AVEN: variants seen among roughly 807,000 people sequenced by gnomAD.
AVEN encodes cell death regulator Aven.
AVEN carries 41 observed loss-of-function variants against 38.1 expected under a neutral mutation model. That is an observed-to-expected ratio of 1.08 (90% CI 0.84 to 1.40). The LOEUF (loss-of-function observed/expected upper bound fraction) is 1.40. Among genes scored for constraint, AVEN ranks in the 40% most tolerant of loss-of-function variants. The pLI is 0.00. For synonymous variants in AVEN, 206 were observed against 171.8 expected (o/e 1.20, Z -1.56); for missense variants, 605 against 438.8 (o/e 1.38, Z -3.38).
At chr15:33,864,295 C>T (rs367833146), downstream of AVEN, 1 of 830,550 alleles carries the variant, frequency 1.2e-6, no homozygotes, top group Non-Finnish European at 1.9e-6. Context: ...CCATTAATCC[C>T]GTGAATGCAT....
intron 1 of AVEN, among the ~76,000 whole-genome samples, chr15:34,017,217 T>A (rs1198873088): frequency 1.3e-5 from 2 of 152,074 alleles, no homozygotes; most frequent in Non-Finnish European, 2.9e-5. Context: ...TCTGTTCACC[T>A]ATTAACAATT....
chr15:34,038,771 G>A lies in AVEN; in HGVS notation c.267+9C>T. The stretch of plus-strand genomic sequence containing the variant: ...CGCGGTCCCAGCCCCACCAGCCGTC[G>A]CCTCTTACCGGCGCGCTGGCCCCTG... On this transcript the variant is annotated intron_variant, in intron 1 of 5. Transcript: ENST00000306730. 1 of 1,168,364 alleles carries A rather than the reference G, an allele frequency of 8.6e-7. No individual in the cohort carries two copies. Among genetic ancestry groups the A allele is most frequent in the Admixed American group, 4.7e-5 (1 of 21,488 alleles). The allele number at this position is 1,168,364 out of a possible 1,614,324, so 72.4% of individuals were successfully genotyped here.
At chr15:34,071,702 A>C (rs1277863965) in intron 1 of AVEN, among the ~76,000 whole-genome samples, 2 of 152,208 alleles carry the variant, frequency 1.3e-5, no homozygotes, top group African/African-American at 4.8e-5. Flanking sequence ...CTAGTATACC[A>C]TATAGTGCAC....
At chr15:33,976,167 G>C (rs1188600786) in intron 2 of AVEN, among the ~76,000 whole-genome samples, 2 of 151,960 alleles carry the variant, frequency 1.3e-5, no homozygotes, top group Non-Finnish European at 2.9e-5. Flanking sequence ...TTTTAAAAGA[G>C]GAAATATGAT....
Position 33,984,603 on chromosome 15 carries a change from T to A in AVEN, c.445+18429A>T, listed in dbSNP as rs1896340991. Reference sequence around the variant, plus strand: ...TTTCAGTAGAGACAGGGTTTCTCCATGTTGGTCAAGCTGGTCTCAAACTCC... The same window carrying A: ...TTTCAGTAGAGACAGGGTTTCTCCAAGTTGGTCAAGCTGGTCTCAAACTCC... On this transcript the variant is annotated intron_variant, in intron 2 of 5. Transcript: ENST00000306730. Among the ~76,000 whole-genome samples the A allele has an allele frequency of 2.0e-5, 3 of 152,276 alleles. 1 individual carries two copies. In the South Asian group the frequency reaches 6.3e-4, roughly 32 times the overall value.
At chr15:33,889,567 C>T (rs1891846775) in intron 2 of AVEN, among the ~76,000 whole-genome samples, 1 of 143,454 alleles carries the variant, frequency 7.0e-6, no homozygotes, top group African/African-American at 2.6e-5. Flanking sequence ...TCCTATTCAA[C>T]CCAATGGACA....
At chr15:33,870,320 C>T (rs1412819270) in intron 4 of AVEN, among the ~76,000 whole-genome samples, 1 of 152,290 alleles carries the variant, frequency 6.6e-6, no homozygotes, top group South Asian at 2.1e-4. Flanking sequence ...CACATGCACT[C>T]CAATCCCACA....
chr15:34,072,102 C>T (rs1006496378), intron 1 of AVEN, among the ~76,000 whole-genome samples: 9 of 150,534 alleles, frequency 6.0e-5, no homozygotes, highest in African/African-American at 2.2e-4. Flanking sequence ...CTTATCTCTA[C>T]CAAAAAAAAG....
intron 4 of AVEN, among the ~76,000 whole-genome samples, chr15:33,870,026 CAT>C (rs1043609615): frequency 1.1e-4 from 16 of 152,250 alleles, no homozygotes; most frequent in African/African-American, 2.9e-4. Flanking sequence ...GGCACAAACT[CAT>C]AAAGTCCAAA....
intron 2 of AVEN, among the ~76,000 whole-genome samples, chr15:33,953,608 C>A (rs1894833816): frequency 6.6e-6 from 1 of 152,190 alleles, no homozygotes; most frequent in Admixed American, 6.5e-5. Flanking sequence ...GAAACTGGAT[C>A]CCTTCCTTAT....
At chr15:33,870,551 A>G (rs1370621597) in intron 4 of AVEN, among the ~76,000 whole-genome samples, 2 of 152,172 alleles carry the variant, frequency 1.3e-5, no homozygotes. Flanking sequence ...TTGTGTGACT[A>G]TTTGATTAAT....
At chr15:33,976,170 A>T (rs1427879193) in intron 2 of AVEN, among the ~76,000 whole-genome samples, 1 of 152,206 alleles carries the variant, frequency 6.6e-6, no homozygotes. Flanking sequence ...TAAAAGAGGA[A>T]ATATGATCTT....
chr15:33,962,919 C>CAAA (rs57807791), intron 2 of AVEN, among the ~76,000 whole-genome samples: 3 of 81,948 alleles, frequency 3.7e-5, no homozygotes, highest in Admixed American at 1.3e-4. Flanking sequence ...AACTCGTTCT[C>CAAA]AAAAAAAAAA....
upstream of AVEN, among the ~76,000 whole-genome samples, chr15:34,042,534 A>G (rs1242629452): frequency 2.6e-5 from 4 of 151,114 alleles, no homozygotes; most frequent in Non-Finnish European, 5.9e-5. Flanking sequence ...CTGAGTAGCT[A>G]GGATTACAGG....
At chr15:33,939,878 T>G (rs958930466) in intron 2 of AVEN, among the ~76,000 whole-genome samples, 4 of 152,212 alleles carry the variant, frequency 2.6e-5, no homozygotes, top group African/African-American at 9.7e-5. Context: ...CTCTTTTTAC[T>G]TTTTCTATTG....
chr15:33,879,482 G>A (rs1015489397), intron 2 of AVEN, among the ~76,000 whole-genome samples: 1 of 151,614 alleles, frequency 6.6e-6, no homozygotes, highest in Non-Finnish European at 1.5e-5. Context: ...CAGCACACCA[G>A]CATGGCACAT....
chr15:33,912,599 T>C (rs2153045710), intron 2 of AVEN, among the ~76,000 whole-genome samples: 1 of 152,318 alleles, frequency 6.6e-6, no homozygotes, highest in Non-Finnish European at 1.5e-5. Context: ...GATACTTCAG[T>C]TGAGGTTCTG....
intron 2 of AVEN, among the ~76,000 whole-genome samples, chr15:33,960,042 T>G (rs1311940139): frequency 6.6e-6 from 1 of 152,204 alleles, no homozygotes; most frequent in East Asian, 1.9e-4. Flanking sequence ...GGCAAGGGCC[T>G]TGTCGGATGA....
chr15:33,857,472 A>G (rs2079811714), downstream of AVEN, among the ~76,000 whole-genome samples: 1 of 152,080 alleles, frequency 6.6e-6, no homozygotes, highest in Admixed American at 6.5e-5. Flanking sequence ...CTCCATCTCC[A>G]AATACAGTCA....
Sources: gnomAD v4.1 joint callset for allele counts (sites outside exome capture counted in the v4.1 genomes callset) on GRCh38, gnomAD v4.1.1 for gene constraint, MANE v1.5 for transcripts, NCBI Gene and HGNC (gene_info 2026-07-23, HGNC 2026-07-21) for gene names.